Variants in TSC22D1 observed in about 807,000 individuals in gnomAD.
TSC22D1 encodes the protein TSC22 domain family protein 1.
In TSC22D1, 9 loss-of-function variants were observed where a neutral mutation model predicts 74.2. The ratio of observed to expected loss-of-function variants is 0.12; its 90% CI spans 0.07 to 0.21. TSC22D1 has a LOEUF of 0.21. TSC22D1 is among the 10% of genes least tolerant of loss of function. TSC22D1 has a pLI of 1.00. For missense variants in TSC22D1, 1,427 were observed against 1,304.7 expected (o/e 1.09, Z -1.44); for synonymous variants, 586 against 492.5 (o/e 1.19, Z -2.51).
intron 1 of TSC22D1, among the ~76,000 whole-genome samples, chr13:44,501,147 G>A (rs1879205180): frequency 6.6e-6 from 1 of 152,186 alleles, no homozygotes; most frequent in Non-Finnish European, 1.5e-5. Flanking sequence ...AAACTGCGAG[G>A]TGGTGAACCA....
chr13:44,459,111 C>T (rs1219346336), intron 1 of TSC22D1, among the ~76,000 whole-genome samples: 1 of 152,206 alleles, frequency 6.6e-6, no homozygotes, highest in Non-Finnish European at 1.5e-5. Flanking sequence ...CAGGCCCACT[C>T]ATGGCCGTCC....
intron 1 of TSC22D1, among the ~76,000 whole-genome samples, chr13:44,485,105 A>G (rs1202815763): frequency 6.6e-6 from 1 of 152,208 alleles, no homozygotes; most frequent in Admixed American, 6.5e-5. Context: ...TATAGAAGCA[A>G]TAAGGAGCAG....
intron 1 of TSC22D1, among the ~76,000 whole-genome samples, chr13:44,441,321 T>TG (rs556589113): frequency 6.6e-6 from 1 of 152,230 alleles, no homozygotes; most frequent in Non-Finnish European, 1.5e-5. Flanking sequence ...GGTGAGCTAC[T>TG]GATAGGTGTA....
intron 1 of TSC22D1, among the ~76,000 whole-genome samples, chr13:44,457,581 T>C (rs1390876018): frequency 1.9e-5 from 1 of 53,960 alleles, no homozygotes; most frequent in Non-Finnish European, 3.6e-5. Flanking sequence ...GAGCAACCCC[T>C]AAAGAAACAG....
intron 1 of TSC22D1, among the ~76,000 whole-genome samples, chr13:44,516,088 TA>T (rs1879965290): frequency 6.6e-6 from 1 of 152,176 alleles, no homozygotes; most frequent in Non-Finnish European, 1.5e-5. Context: ...TTGATTTTAA[TA>T]AAAACATATC....
intron 1 of TSC22D1, among the ~76,000 whole-genome samples, chr13:44,445,584 A>T (rs1435220511): frequency 6.6e-6 from 1 of 152,148 alleles, no homozygotes; most frequent in Non-Finnish European, 1.5e-5. Flanking sequence ...AAGAATGAAA[A>T]AACAAACTAT....
intron 1 of TSC22D1, among the ~76,000 whole-genome samples, chr13:44,461,787 G>A (rs779837105): frequency 2.8e-4 from 42 of 152,096 alleles, no homozygotes; most frequent in Non-Finnish European, 5.0e-4. Context: ...CACAGCACAT[G>A]AGCCCCAGCC....
At chr13:44,482,716 TAA>T (rs1878235440) in intron 1 of TSC22D1, among the ~76,000 whole-genome samples, 1 of 152,232 alleles carries the variant, frequency 6.6e-6, no homozygotes, top group Admixed American at 6.5e-5. Context: ...TTTATATTCT[TAA>T]GTTACATATT....
chr13:44,524,587 C>G (rs888241599), intron 1 of TSC22D1, among the ~76,000 whole-genome samples: 6 of 152,170 alleles, frequency 3.9e-5, no homozygotes, highest in Admixed American at 1.3e-4. Context: ...ACTCTTGTCA[C>G]CCAGGCTAGA....
chr13:44,453,574 T>C (rs1326712513), intron 1 of TSC22D1, among the ~76,000 whole-genome samples: 1 of 152,246 alleles, frequency 6.6e-6, no homozygotes, highest in African/African-American at 2.4e-5. Flanking sequence ...CAAGGAGACA[T>C]ATGTTTAACA....
chr13:44,553,220 T>C (rs951562978), intron 1 of TSC22D1, among the ~76,000 whole-genome samples: 16 of 152,098 alleles, frequency 1.1e-4, no homozygotes, highest in African/African-American at 3.4e-4. Context: ...GATGAAAGAG[T>C]TGGATTTCAA....
At position 44,432,503 on chromosome 13, in the gene TSC22D1, C is replaced by A. The variant is rs575839249; in HGVS notation, c.*2123G>T. On this transcript the variant is annotated 3_prime_UTR_variant, in exon 3 of 3. Transcript: ENST00000458659. ...TCTTTACGTCCTTTTCAAATTCCCC[C>A]AAAATATCTTTATGACAACTGCTAT... 40 of 152,292 alleles carry A rather than the reference C, an allele frequency of 2.6e-4. No individual in the cohort carries two copies. The highest frequency in any genetic ancestry group is 8.9e-4 in the African/African-American group (37 of 41,542). The allele number at this position is 152,292 out of a possible 1,614,324, so 9.4% of individuals were successfully genotyped here. A position where few individuals can be genotyped will look rare whatever the true frequency, so the allele number is the denominator to read the frequency against.
Position 44,434,091 on chromosome 13 carries a change from C to T in TSC22D1, c.*535G>A. 1 of 1,520,724 alleles carries T rather than the reference C, an allele frequency of 6.6e-7. No individual in the cohort carries two copies. Among genetic ancestry groups the T allele is most frequent in the South Asian group, 1.2e-5 (1 of 80,800 alleles). 94.2% of individuals were successfully genotyped at this position (1,520,724 alleles called of 1,614,324 possible). ...TCCATTGTTTGAGAAGAAAGAGGCA[C>T]AGTACTATTGTTTTTTATGAATTTT... On this transcript the variant is annotated 3_prime_UTR_variant, in exon 3 of 3. Transcript: ENST00000458659.
chr13:44,491,723 A>C (rs1341190094), intron 1 of TSC22D1, among the ~76,000 whole-genome samples: 1 of 152,222 alleles, frequency 6.6e-6, no homozygotes, highest in African/African-American at 2.4e-5. Flanking sequence ...GCTTGAAATT[A>C]AAACCACAAT....
chr13:44,440,834 G>A (rs1216276173), intron 1 of TSC22D1, among the ~76,000 whole-genome samples: 5 of 152,000 alleles, frequency 3.3e-5, no homozygotes, highest in Admixed American at 2.6e-4. Context: ...TAATCACTAG[G>A]CATAGAGAGA....
rs1874243477 is a variant in TSC22D1, at chr13:44,433,616, A to G, written c.*1010T>C. 1 of 201,822 alleles carries G rather than the reference A, an allele frequency of 5.0e-6. No homozygotes were observed. Among genetic ancestry groups the G allele is most frequent in the South Asian group, 1.2e-4 (1 of 8,348 alleles). The allele number at this position is 201,822 out of a possible 1,614,324, so 12.5% of individuals were successfully genotyped here. A position where few individuals can be genotyped will look rare whatever the true frequency, so the allele number is the denominator to read the frequency against. ...TTGTGTAGAGAACATGCACAGAAAC[A>G]TATGCATATAACTACTATACAGGTG... On this transcript the variant is annotated 3_prime_UTR_variant, in exon 3 of 3. Coordinates refer to ENST00000458659, the MANE Select transcript of TSC22D1 (RefSeq NM_183422.4).
In TSC22D1 at chr13:44,432,939, G is replaced by A. The variant is rs1006328785; in HGVS notation, c.*1687C>T. On this transcript the variant is annotated 3_prime_UTR_variant, in exon 3 of 3. Coordinates refer to ENST00000458659, the MANE Select transcript of TSC22D1 (RefSeq NM_183422.4). ...GGTTTTAATTTTGGCCTGTTTTATA[G>A]TCATGCAGAATCAACTGCAAGGACA... The A allele has an allele frequency of 1.3e-5, 2 of 152,166 alleles. No individual in the cohort carries two copies. The highest frequency in any genetic ancestry group is 2.9e-5 in the Non-Finnish European group (2 of 68,046). 9.4% of individuals were successfully genotyped at this position (152,166 alleles called of 1,614,324 possible).
chr13:44,576,153 G>A lies in TSC22D1; in HGVS notation c.-79C>T, dbSNP rs965993708. 11 of 1,395,134 alleles carry A rather than the reference G, an allele frequency of 7.9e-6. No homozygotes were observed. The highest frequency in any genetic ancestry group is 9.3e-6 in the Non-Finnish European group (10 of 1,076,982). 86.4% of individuals were successfully genotyped at this position (1,395,134 alleles called of 1,614,324 possible). ...TAATCTTTGTATTGGAGACGCCGGA[G>A]AGGAAAACGGGACCTGACGCTCCGC... On this transcript the variant is annotated 5_prime_UTR_variant, in exon 1 of 3. Transcript: ENST00000458659.
At chr13:44,541,070 C>T (rs1881440183) in intron 1 of TSC22D1, among the ~76,000 whole-genome samples, 1 of 152,176 alleles carries the variant, frequency 6.6e-6, no homozygotes, top group Non-Finnish European at 1.5e-5. Flanking sequence ...CTCATACCAA[C>T]TAGTTATCAC....
Sources: allele counts gnomAD v4.1 joint callset (sites outside exome capture counted in the v4.1 genomes callset), GRCh38; gene constraint gnomAD v4.1.1; transcripts MANE v1.5; gene names NCBI Gene and HGNC (gene_info 2026-07-23, HGNC 2026-07-21).